ATG7: variants seen among roughly 807,000 people sequenced by gnomAD.
ATG7 encodes the protein ubiquitin-like modifier-activating enzyme ATG7.
ATG7 carries 70 observed loss-of-function variants against 82.4 expected under a neutral mutation model. That is an observed-to-expected ratio of 0.85 (90% CI 0.70 to 1.04). The LOEUF (loss-of-function observed/expected upper bound fraction) is 1.04, where lower values mean the gene tolerates loss of function less well. Ranked by LOEUF, ATG7 falls within the 50% of genes least tolerant of loss-of-function variation. ATG7 has a pLI of 0.00. For synonymous variants in ATG7, 287 were observed against 313.0 expected, an observed-to-expected ratio of 0.92 and a Z score of 0.88; for missense variants, 792 against 864.3, an observed-to-expected ratio of 0.92 and a Z score of 1.05.
chr3:11,352,376 A>G (rs1288725380), intron 14 of ATG7, among the ~76,000 whole-genome samples: 2 of 152,172 alleles, frequency 1.3e-5, no homozygotes, highest in East Asian at 3.9e-4. Context: ...CAGTAATGGG[A>G]TGGTTGGGTC....
chr3:11,426,803 G>T lies in ATG7; in HGVS notation c.1957-1G>T, dbSNP rs756690200. On this transcript the variant is annotated splice_acceptor_variant, in intron 19 of 20. Transcript: ENST00000693202. LOFTEE classifies it high-confidence loss of function. The stretch of plus-strand genomic sequence containing the variant: ...TTTTAAAAAATGTAAATGTTTTACA[G>T]GTTCTTGATCAATATGAACGAGAAG... 9.5e-6 allele frequency: 15 copies of T among 1,574,784 alleles called. No individual in the cohort carries two copies. Among genetic ancestry groups the T allele is most frequent in the African/African-American group, 1.4e-5 (1 of 72,562 alleles).
chr3:11,429,453 G>A (rs1459923049), intron 20 of ATG7, among the ~76,000 whole-genome samples: 1 of 151,786 alleles, frequency 6.6e-6, no homozygotes, highest in Non-Finnish European at 1.5e-5. Flanking sequence ...CCAAGATGGC[G>A]CCACTGCACT....
intron 14 of ATG7, 122 bp downstream of exon 14, chr3:11,348,157 C>G: frequency 7.6e-7 from 1 of 1,317,818 alleles, no homozygotes; most frequent in South Asian, 1.5e-5. Context: ...CAGCCACTCG[C>G]TATGTGGCTG....
At chr3:11,558,920 G>T (rs552416606), downstream of ATG7, 364 of 1,451,012 alleles carry the variant, frequency 2.5e-4, no homozygotes, top group Non-Finnish European at 3.3e-4. Context: ...GCCCAGAGCC[G>T]GACTGGCTGC....
chr3:11,319,771 C>T (rs541349320), intron 9 of ATG7, among the ~76,000 whole-genome samples: 21 of 152,324 alleles, frequency 1.4e-4, no homozygotes, highest in Admixed American at 5.2e-4. Flanking sequence ...CCCTACCACC[C>T]CTGTGTCTTG....
intron 20 of ATG7, chr3:11,477,192 C>A: frequency 7.8e-7 from 1 of 1,288,794 alleles, no homozygotes; most frequent in East Asian, 5.6e-5. Flanking sequence ...AACAAATGGA[C>A]GGAAGAATCA....
At position 11,372,884 on chromosome 3, in the gene ATG7, C is replaced by T. The variant is rs113355365; in HGVS notation, c.1876-7088C>T. ...TGTGTGAAATCGGCCATGTTTTCCC[C>T]TTGTGGGGAGAGGGGAGAATGAGAA... On this transcript the variant is annotated intron_variant, in intron 18 of 20. Transcript: ENST00000693202. 7.4e-3 allele frequency among the ~76,000 whole-genome samples: 1,109 copies of T among 150,622 alleles called. 54 individuals carry two copies. Among genetic ancestry groups the T allele is most frequent in the African/African-American group, 0.026 (1,054 of 40,764 alleles).
At chr3:11,518,316 G>A (rs1235406794) in intron 20 of ATG7, among the ~76,000 whole-genome samples, 1 of 152,202 alleles carries the variant, frequency 6.6e-6, no homozygotes, top group Admixed American at 6.5e-5. Context: ...GGAGGCCAAG[G>A]TGGGTGGATC....
chr3:11,316,595 T>C (rs1654066579), intron 9 of ATG7, among the ~76,000 whole-genome samples: 1 of 152,236 alleles, frequency 6.6e-6, no homozygotes, highest in Admixed American at 6.5e-5. Flanking sequence ...TACAAGTTTC[T>C]TTTTGTGCCA....
At chr3:11,573,174 A>AAGAC in the ATG7 span, among the ~76,000 whole-genome samples, 5 of 151,536 alleles carry the variant, frequency 3.3e-5, no homozygotes, top group Admixed American at 2.0e-4. Context: ...TCAAGAAAGA[A>AAGAC]AGACAGACAG....
intron 20 of ATG7, among the ~76,000 whole-genome samples, chr3:11,513,713 G>A (rs750987988): frequency 3.9e-5 from 6 of 152,238 alleles, no homozygotes; most frequent in Non-Finnish European, 7.3e-5. Context: ...TGGGCTGAAG[G>A]GCCCCTCAAG....
chr3:11,335,631 A>G (rs768392137), intron 11 of ATG7, among the ~76,000 whole-genome samples: 27 of 152,294 alleles, frequency 1.8e-4, no homozygotes, highest in Non-Finnish European at 1.6e-4. Context: ...CACTTTTATG[A>G]CAAAGTCACT....
intron 20 of ATG7, among the ~76,000 whole-genome samples, chr3:11,474,958 C>T (rs1178237948): frequency 1.3e-5 from 2 of 151,290 alleles, no homozygotes. Flanking sequence ...GAGCACGTGA[C>T]ACGGGCTCTT....
intron 19 of ATG7, among the ~76,000 whole-genome samples, chr3:11,417,810 A>ATTTTT (rs368598930): frequency 1.0e-5 from 1 of 97,986 alleles, no homozygotes; most frequent in African/African-American, 4.4e-5. Context: ...ATTTTATTTT[A>ATTTTT]TTTTATTTTT....
chr3:11,375,276 ACC>A (rs2077330481), intron 18 of ATG7, among the ~76,000 whole-genome samples: 23 of 152,228 alleles, frequency 1.5e-4, no homozygotes, highest in Admixed American at 1.5e-3. Context: ...TTGATAAGAA[ACC>A]TTTATCCAGA....
intron 20 of ATG7, among the ~76,000 whole-genome samples, chr3:11,515,485 G>A (rs1039706500): frequency 1.7e-4 from 26 of 152,030 alleles, no homozygotes; most frequent in Admixed American, 1.5e-3. Flanking sequence ...TGTATTTTTA[G>A]TAGAGACGGG....
intron 20 of ATG7, among the ~76,000 whole-genome samples, chr3:11,500,216 C>A (rs1302674659): frequency 1.3e-5 from 2 of 152,098 alleles, no homozygotes; most frequent in Non-Finnish European, 2.9e-5. Flanking sequence ...GATGTAATGT[C>A]TCAAACCCCC....
intron 13 of ATG7, among the ~76,000 whole-genome samples, chr3:11,342,589 T>G (rs1479816023): frequency 6.6e-6 from 1 of 152,196 alleles, no homozygotes; most frequent in East Asian, 1.9e-4. Context: ...GTATCTTTGC[T>G]GATATTTATT....
At chr3:11,485,716 G>A (rs985154318) in intron 20 of ATG7, among the ~76,000 whole-genome samples, 1 of 152,168 alleles carries the variant, frequency 6.6e-6, no homozygotes, top group African/African-American at 2.4e-5. Context: ...ATTAATTTTT[G>A]TATAAGGTGT....
Sources: gnomAD v4.1 joint callset for allele counts (sites outside exome capture counted in the v4.1 genomes callset) on GRCh38, gnomAD v4.1.1 for gene constraint, MANE v1.5 for transcripts, NCBI Gene and HGNC (gene_info 2026-07-23, HGNC 2026-07-21) for gene names.